ANKRD13C: variants seen among roughly 807,000 people sequenced by gnomAD.
The protein encoded by ANKRD13C is ankyrin repeat domain-containing protein 13C.
ANKRD13C carries 16 observed loss-of-function variants against 65.5 expected under a neutral mutation model. That is an observed-to-expected ratio of 0.24 (90% CI 0.17 to 0.37). ANKRD13C has a LOEUF of 0.37. ANKRD13C is among the 10% of genes least tolerant of loss of function. ANKRD13C has a pLI of 1.00. For synonymous variants in ANKRD13C, 235 were observed against 238.7 expected (o/e 0.98, Z 0.14); for missense variants, 503 against 655.9 (o/e 0.77, Z 2.55).
rs553596974 is a variant in ANKRD13C, at chr1:70,354,231, G to T, written c.178C>A (p.Arg60=). The T allele has an allele frequency of 1.9e-6, 3 of 1,613,578 alleles. No individual in the cohort carries two copies. The highest frequency in any genetic ancestry group is 2.5e-6 in the Non-Finnish European group (3 of 1,180,028). ...GCCGGAGCTGCCTTCAGCTGTAGCC[G>T]GTGGTGATGGTTACTGAAGATCTTA... ...CHKIFSNHHH[R]LQLKAAPASS... is the part of the protein sequence containing the mutation. The change falls in exon 1 of 13, where the codon CGG becomes AGG. Residue 60 remains arginine, a synonymous_variant. Transcript: ENST00000370944.
Position 70,261,278 on chromosome 1 carries a change from T to C in ANKRD13C, c.*1439A>G, listed in dbSNP as rs1000684565. On this transcript the variant is annotated 3_prime_UTR_variant, in exon 13 of 13. Transcript: ENST00000370944. ...TATTTAAAATTTTTCTTACGGTTTA[T>C]GCTTTGGATTTTTAAATCATATTTT... 2 of 152,134 alleles carry C rather than the reference T, an allele frequency of 1.3e-5. No individual in the cohort carries two copies. The highest frequency in any genetic ancestry group is 2.9e-5 in the Non-Finnish European group (2 of 67,966). 9.4% of individuals were successfully genotyped at this position (152,134 alleles called of 1,614,324 possible).
In ANKRD13C at chr1:70,354,106, A is replaced by G. The variant is rs780453866; in HGVS notation, c.303T>C (p.Val101=). 6.8e-6 allele frequency: 11 copies of G among 1,613,052 alleles called. No individual in the cohort carries two copies. Among genetic ancestry groups the G allele is most frequent in the Non-Finnish European group, 9.3e-6 (11 of 1,179,244 alleles). Residue 101 remains valine (V), a synonymous_variant, in exon 1 of 13, where the codon GTT becomes GTC. Transcript: ENST00000370944. ...SPALLAGTNP[V]AVVADGGSCP... The stretch of plus-strand genomic sequence containing the variant: ...AACTGCCTCCATCCGCGACGACAGC[A>G]ACGGGGTTGGTGCCGGCCAGAAGGG...
At chr1:70,309,833 C>T (rs920406932) in intron 5 of ANKRD13C, among the ~76,000 whole-genome samples, 12 of 151,234 alleles carry the variant, frequency 7.9e-5, no homozygotes, top group African/African-American at 2.9e-4. Flanking sequence ...TTAGTTAAAA[C>T]GTGCTATATG....
At position 70,262,712 on chromosome 1, in the gene ANKRD13C, G is replaced by A. The variant is rs762387724; in HGVS notation, c.*5C>T. ...TTGGTTAGACGGCATCCTTTTCCAC[G>A]TCAGTTAAAGATCAGGAAAACGGCT... On this transcript the variant is annotated 3_prime_UTR_variant, in exon 13 of 13. Coordinates refer to ENST00000370944, the MANE Select transcript of ANKRD13C (RefSeq NM_030816.5). 9.3e-6 allele frequency: 15 copies of A among 1,609,694 alleles called. No homozygotes were observed. The highest frequency in any genetic ancestry group is 2.7e-5 in the African/African-American group (2 of 74,722).
At chr1:70,306,893 T>TA (rs1181341959) in intron 5 of ANKRD13C, among the ~76,000 whole-genome samples, 1 of 152,220 alleles carries the variant, frequency 6.6e-6, no homozygotes, top group Admixed American at 6.5e-5. Context: ...CATATTCTGA[T>TA]AGTTTTTTAT....
rs1265802396 is a variant in ANKRD13C, at chr1:70,260,103, GT to G, written c.*2613del. 6.6e-6 allele frequency among the ~76,000 whole-genome samples: 1 copy of G among 152,050 alleles called. No homozygotes were observed. The highest frequency in any genetic ancestry group is 1.9e-4 in the East Asian group (1 of 5,188). On this transcript the variant is annotated 3_prime_UTR_variant, in exon 13 of 13. Coordinates refer to ENST00000370944, the MANE Select transcript of ANKRD13C (RefSeq NM_030816.5). ...TTAGCATGAGTGGGGCTTAATTCCAGTTCTGAGCAGAAGGAAACAGTTTTTC... is the reference window on the plus strand; with the variant it reads ...TTAGCATGAGTGGGGCTTAATTCCAGTCTGAGCAGAAGGAAACAGTTTTTC...
Position 70,354,506 on chromosome 1 carries a change from GCCT to G in ANKRD13C, c.-101_-99del. The G allele has an allele frequency of 6.8e-7, 1 of 1,462,794 alleles. No homozygotes were observed. Among genetic ancestry groups the G allele is most frequent in the Non-Finnish European group, 9.0e-7 (1 of 1,112,634 alleles). The allele number at this position is 1,462,794 out of a possible 1,614,324, so 90.6% of individuals were successfully genotyped here. On this transcript the variant is annotated 5_prime_UTR_variant, in exon 1 of 13. Transcript: ENST00000370944. The stretch of plus-strand genomic sequence containing the variant: ...AAGGCGATTAGAGCGGTGGCCAAGA[GCCT>G]CCAGCGCAGCATGAACTCCCACTGA...
chr1:70,262,625 T>G lies in ANKRD13C; in HGVS notation c.*92A>C. On this transcript the variant is annotated 3_prime_UTR_variant, in exon 13 of 13. Transcript: ENST00000370944. ...GATTCAATGTGTAATTCCCTTTTCTTCACTGAAAGCATTTGTCCCTTCTAT... is the reference window on the plus strand; with the variant it reads ...GATTCAATGTGTAATTCCCTTTTCTGCACTGAAAGCATTTGTCCCTTCTAT... The G allele has an allele frequency of 7.4e-7, 1 of 1,347,204 alleles. No homozygotes were observed. Among genetic ancestry groups the G allele is most frequent in the East Asian group, 2.4e-5 (1 of 41,648 alleles). The allele number at this position is 1,347,204 out of a possible 1,614,324, so 83.5% of individuals were successfully genotyped here.
Position 70,354,191 on chromosome 1 carries a change from G to A in ANKRD13C, c.218C>T (p.Pro73Leu). Reference protein sequence around the residue: ...LKAAPASSNPPGAPALPLHNS... With the variant: ...LKAAPASSNPLGAPALPLHNS... ...GTGCAGCGGCAGAGCCGGGGCGCCG[G>A]GGGGATTGGAGGAGGCCGGAGCTGC... Residue 73 changes from proline to leucine, a missense_variant, in exon 1 of 13, where the codon CCC becomes CTC. Physicochemically the swap from Pro to Leu is moderately conservative, Grantham distance 98. Transcript: ENST00000370944. 2 of 1,613,916 alleles carry A rather than the reference G, an allele frequency of 1.2e-6. No homozygotes were observed. Among genetic ancestry groups the A allele is most frequent in the Non-Finnish European group, 8.5e-7 (1 of 1,180,034 alleles).
In ANKRD13C at chr1:70,261,670, G is replaced by C. The variant is rs1000260112; in HGVS notation, c.*1047C>G. On this transcript the variant is annotated 3_prime_UTR_variant, in exon 13 of 13. Coordinates refer to ENST00000370944, the MANE Select transcript of ANKRD13C (RefSeq NM_030816.5). ...TGTGTATACTTCTGGACTTTAACTT[G>C]TAACAAATATATTCTGTTAGCATAT... 5 of 152,384 alleles carry C rather than the reference G, an allele frequency of 3.3e-5. No homozygotes were observed. Among genetic ancestry groups the C allele is most frequent in the Non-Finnish European group, 4.4e-5 (3 of 67,940 alleles). The allele number at this position is 152,384 out of a possible 1,614,324, so 9.4% of individuals were successfully genotyped here. A position where few individuals can be genotyped will look rare whatever the true frequency, so the allele number is the denominator to read the frequency against.
intron 4 of ANKRD13C, among the ~76,000 whole-genome samples, chr1:70,315,082 T>G (rs1210197136): frequency 2.6e-5 from 4 of 151,884 alleles, no homozygotes; most frequent in Non-Finnish European, 5.9e-5. Flanking sequence ...CTACTAAAAA[T>G]ACAAAAAATT....
chr1:70,278,238 A>G (rs1255510479), intron 9 of ANKRD13C, among the ~76,000 whole-genome samples: 3 of 151,496 alleles, frequency 2.0e-5, no homozygotes, highest in Non-Finnish European at 2.9e-5. Context: ...CATGCCTGTA[A>G]TCCTAGCACT....
In ANKRD13C at chr1:70,259,904, A is replaced by G. The variant is rs1678334589; in HGVS notation, c.*2813T>C. ...TCCATGTTGTTCAAGGGTCAGCTGT[A>G]CTTATTTACAATATTTACTTCAGTC... On this transcript the variant is annotated 3_prime_UTR_variant, in exon 13 of 13. Transcript: ENST00000370944. Among the ~76,000 whole-genome samples, 2 of 152,156 alleles carry G rather than the reference A, an allele frequency of 1.3e-5. No individual in the cohort carries two copies. The highest frequency in any genetic ancestry group is 6.5e-5 in the Admixed American group (1 of 15,272).
At chr1:70,278,053 G>A (rs1267056460) in intron 9 of ANKRD13C, among the ~76,000 whole-genome samples, 1 of 151,894 alleles carries the variant, frequency 6.6e-6, no homozygotes, top group Non-Finnish European at 1.5e-5. Flanking sequence ...GCTGAGTGTG[G>A]TGGTGCGTGC....
At chr1:70,294,732 C>A (rs1020118020) in intron 8 of ANKRD13C, among the ~76,000 whole-genome samples, 1 of 151,396 alleles carries the variant, frequency 6.6e-6, no homozygotes, top group Admixed American at 6.6e-5. Context: ...CTCAAGTAAT[C>A]GTCTCACCTC....
chr1:70,304,681 G>C (rs1680515148), intron 6 of ANKRD13C, among the ~76,000 whole-genome samples: 1 of 152,134 alleles, frequency 6.6e-6, no homozygotes, highest in Non-Finnish European at 1.5e-5. Context: ...TTACAGGCAT[G>C]AGTCACCACA....
At position 70,265,824 on chromosome 1, in the gene ANKRD13C, CAAAAAAAAAA is replaced by C. The variant is rs775757290; in HGVS notation, c.1496-2987_1496-2978del. ...TGTGCAACAGTGTCAGACCTTGCCT[CAAAAAAAAAA>C]AAAAAAAAAAAAAAAAAGAAAAGAA... On this transcript the variant is annotated intron_variant, in intron 12 of 12. Coordinates refer to ENST00000370944, the MANE Select transcript of ANKRD13C (RefSeq NM_030816.5). Among the ~76,000 whole-genome samples the C allele has an allele frequency of 2.8e-4, 10 of 35,442 alleles. 1 individual carries two copies. The highest frequency in any genetic ancestry group is 1.7e-3 in the East Asian group (3 of 1,784). The allele number at this position is 35,442 out of a possible 152,430, so 23.3% of individuals were successfully genotyped here.
chr1:70,304,118 T>G (rs1283380580), intron 6 of ANKRD13C, among the ~76,000 whole-genome samples: 1 of 152,182 alleles, frequency 6.6e-6, no homozygotes, highest in Non-Finnish European at 1.5e-5. Flanking sequence ...CTCGGCTCAC[T>G]GTAGCCTCAA....
chr1:70,285,386 G>A (rs1253645678), intron 9 of ANKRD13C, among the ~76,000 whole-genome samples: 2 of 151,298 alleles, frequency 1.3e-5, no homozygotes, highest in African/African-American at 4.9e-5. Context: ...GTTGATATGG[G>A]GTTTCACCAC....
Sources: allele counts gnomAD v4.1 joint callset (sites outside exome capture counted in the v4.1 genomes callset), GRCh38; gene constraint gnomAD v4.1.1; transcripts MANE v1.5; gene names NCBI Gene and HGNC (gene_info 2026-07-23, HGNC 2026-07-21).